Variants in MYOM3 observed in about 807,000 individuals in gnomAD.
The protein encoded by MYOM3 is myomesin 3, also known as myomesin-3.
A neutral mutation model predicts 191.7 loss-of-function variants in MYOM3; 155 were observed. That is an observed-to-expected ratio of 0.81 (90% CI 0.71 to 0.92). MYOM3 has a LOEUF of 0.92. MYOM3 is among the 40% of genes least tolerant of loss of function. The pLI, the probability that MYOM3 is intolerant of heterozygous loss-of-function variation, is 0.00. For missense variants in MYOM3, 1,889 were observed against 1,890.6 expected (o/e 1.00, Z 0.02); for synonymous variants, 757 against 762.9 (o/e 0.99, Z 0.13).
Position 24,063,980 on chromosome 1 carries a change from A to G in MYOM3, c.3622+92T>C. ...TTGTGCCTCAATTTCTCCAAGTGAC[A>G]TGGGGATCCCATAAATCTTACTGCA... On this transcript the variant is annotated intron_variant, in intron 30 of 36. Transcript: ENST00000374434. This position sits in a 1 kb window ranked among gnomAD's most constrained non-coding sequence, Gnocchi z 4.5. 1 of 952,410 alleles carries G rather than the reference A, an allele frequency of 1.0e-6. No homozygotes were observed. The highest frequency in any genetic ancestry group is 1.6e-6 in the Non-Finnish European group (1 of 613,254). The allele number at this position is 952,410 out of a possible 1,614,324, so 59.0% of individuals were successfully genotyped here.
chr1:24,096,337 G>A (rs1042548308), intron 7 of MYOM3, among the ~76,000 whole-genome samples: 2 of 152,216 alleles, frequency 1.3e-5, no homozygotes, highest in Non-Finnish European at 2.9e-5. Flanking sequence ...AGTGGAGTAG[G>A]AGAAGCAGAG....
At chr1:24,096,205 C>T (rs973712787) in intron 7 of MYOM3, among the ~76,000 whole-genome samples, 5 of 151,742 alleles carry the variant, frequency 3.3e-5, no homozygotes, top group Non-Finnish European at 5.9e-5. Flanking sequence ...GGAGGCTGCC[C>T]GAGATCACAC....
In MYOM3 at chr1:24,086,672, G is replaced by C; in HGVS notation, c.1770C>G (p.Ser590Arg). The C allele has an allele frequency of 6.2e-7, 1 of 1,614,038 alleles. No individual in the cohort carries two copies. Among genetic ancestry groups the C allele is most frequent in the Non-Finnish European group, 8.5e-7 (1 of 1,179,982 alleles). Reference protein sequence around the residue: ...QYGLSDPSEPSEPIALRGPPA... With the variant: ...QYGLSDPSEPREPIALRGPPA... ...GCGGGCCCCGCAAGGCGATGGGTTC[G>C]CTGGGCTCCGAGGGATCGCTCAGGC... The change falls in exon 15 of 37, where the codon AGC (serine) becomes AGG (arginine). Residue 590 changes from serine to arginine, a missense_variant. Coordinates refer to ENST00000374434, the MANE Select transcript of MYOM3 (RefSeq NM_152372.4).
intron 9 of MYOM3, among the ~76,000 whole-genome samples, chr1:24,094,464 G>T (rs1246134682): frequency 6.6e-6 from 1 of 152,004 alleles, no homozygotes; most frequent in East Asian, 1.9e-4. Flanking sequence ...ACCACGCCTG[G>T]CCTCCCTCCC....
rs1643755059 is a variant in MYOM3 at position 24,086,840 on chromosome 1, A to G, written c.1615-13T>C. 1.2e-6 allele frequency: 2 copies of G among 1,612,598 alleles called. No homozygotes were observed. The highest frequency in any genetic ancestry group is 1.3e-5 in the African/African-American group (1 of 74,884). On this transcript the variant is annotated splice_polypyrimidine_tract_variant and intron_variant, in intron 14 of 36. Coordinates refer to ENST00000374434, the MANE Select transcript of MYOM3 (RefSeq NM_152372.4). Reference sequence around the variant, plus strand: ...TACCTATGACTGACTGAAGAAACAGAGGGACTCACATTGGCTAACTGGTCG... The same window carrying G: ...TACCTATGACTGACTGAAGAAACAGGGGGACTCACATTGGCTAACTGGTCG...
chr1:24,106,440 A>G (rs963215806), intron 4 of MYOM3, among the ~76,000 whole-genome samples: 9 of 152,034 alleles, frequency 5.9e-5, no homozygotes, highest in African/African-American at 1.9e-4. Flanking sequence ...GAGTGGCTCA[A>G]ATCCTGATAC....
At chr1:24,076,029 G>A (rs1474595457) in intron 21 of MYOM3, 130 bp downstream of exon 21, 2 of 665,248 alleles carry the variant, frequency 3.0e-6, no homozygotes, top group Non-Finnish European at 5.3e-6. Flanking sequence ...TCCCTCAGGG[G>A]CTTGCTGGAG....
At chr1:24,108,176 G>T (rs1644000766) in intron 2 of MYOM3, 103 bp from the exon 3 acceptor site, 1 of 1,090,840 alleles carries the variant, frequency 9.2e-7, no homozygotes, top group Non-Finnish European at 1.3e-6. Context: ...GCACCAGCAG[G>T]CAGGGCTGTG....
intron 23 of MYOM3, among the ~76,000 whole-genome samples, chr1:24,073,523 G>T (rs182862540): frequency 8.5e-4 from 130 of 152,166 alleles, no homozygotes; most frequent in Admixed American, 1.2e-3. Flanking sequence ...GTTTTTTGGG[G>T]CTACAGAAGG....
chr1:24,094,387 G>A (rs1313012455), intron 9 of MYOM3, among the ~76,000 whole-genome samples: 1 of 151,970 alleles, frequency 6.6e-6, no homozygotes, highest in African/African-American at 2.4e-5. Context: ...GGCTAGACCT[G>A]AACTCTTGAC....
Position 24,092,143 on chromosome 1 carries a change from AG to A in MYOM3, c.1232+30del, listed in dbSNP as rs1232839545. 9 of 1,427,876 alleles carry A rather than the reference AG, an allele frequency of 6.3e-6. No individual in the cohort carries two copies. In the South Asian group the frequency reaches 1.4e-4, roughly 23 times the overall value. 88.5% of individuals were successfully genotyped at this position (1,427,876 alleles called of 1,614,324 possible). On this transcript the variant is annotated intron_variant, in intron 11 of 36. Coordinates refer to ENST00000374434, the MANE Select transcript of MYOM3 (RefSeq NM_152372.4). ...CACCACCAGACAGAATTCTACCCCT[AG>A]GGCCTCTGCCACTCACGAGGTCGAC...
At chr1:24,064,341 C>T (rs1320326508) in intron 29 of MYOM3, 182 bp from the exon 30 acceptor site, 1 of 560,364 alleles carries the variant, frequency 1.8e-6, no homozygotes, top group Non-Finnish European at 3.2e-6. Context: ...AGGCTCCTTT[C>T]AGCTCCAGAG....
intron 36 of MYOM3, among the ~76,000 whole-genome samples, 159 bp from the exon 37 acceptor site, chr1:24,057,786 A>T (rs913557789): frequency 6.6e-6 from 1 of 152,110 alleles, no homozygotes; most frequent in Non-Finnish European, 1.5e-5. Context: ...ATTTTATTTT[A>T]ACCCCACATC....
At chr1:24,060,099 G>A (rs1324344972) in intron 35 of MYOM3, among the ~76,000 whole-genome samples, 1 of 152,156 alleles carries the variant, frequency 6.6e-6, no homozygotes, top group Non-Finnish European at 1.5e-5. Context: ...GGTCCTGGAC[G>A]GGGCTTCTGT....
At position 24,067,354 on chromosome 1, in the gene MYOM3, T is replaced by TTCTTTC. The variant is rs1553155389; in HGVS notation, c.3356-272_3356-267dup. On this transcript the variant is annotated intron_variant, in intron 27 of 36. Coordinates refer to ENST00000374434, the MANE Select transcript of MYOM3 (RefSeq NM_152372.4). ...TTTCTTTCTTTCTTTCTTTCTTTCT[T>TTCTTTC]TCTTTCTTTCTTTCTTTCCTTCTTT... is the stretch of plus-strand genomic sequence containing the variant. Among the ~76,000 whole-genome samples the TTCTTTC allele has an allele frequency of 7.1e-4, 51 of 71,948 alleles. 2 individuals are homozygous for TTCTTTC. Among genetic ancestry groups the TTCTTTC allele is most frequent in the East Asian group, 4.8e-3 (10 of 2,066 alleles). 47.2% of individuals were successfully genotyped at this position (71,948 alleles called of 152,430 possible).
In MYOM3 at chr1:24,097,476, C is replaced by T. The variant is rs370966555; in HGVS notation, c.745+447G>A. The stretch of plus-strand genomic sequence containing the variant: ...CTGCCTGCAGAAAAGGGGCCCCTTT[C>T]GCTAATTCATCCATTCAGTTCACAC... On this transcript the variant is annotated intron_variant, in intron 7 of 36. Coordinates refer to ENST00000374434, the MANE Select transcript of MYOM3 (RefSeq NM_152372.4). 5.3e-4 allele frequency among the ~76,000 whole-genome samples: 80 copies of T among 152,326 alleles called. No homozygotes were observed. The East Asian group carries it at 8.3e-3, about 16-fold the overall frequency.
At chr1:24,082,840 C>T in intron 16 of MYOM3, 126 bp from the exon 17 acceptor site, 1 of 1,236,430 alleles carries the variant, frequency 8.1e-7, no homozygotes, top group South Asian at 1.8e-5. Context: ...CAGGTCAATT[C>T]TTCCTAAAAA....
chr1:24,065,713 A>G, intron 29 of MYOM3, 178 bp downstream of exon 29: 1 of 655,160 alleles, frequency 1.5e-6, no homozygotes, highest in Non-Finnish European at 2.8e-6. Flanking sequence ...AGAATATTGC[A>G]TACAATATTA....
At chr1:24,091,098 G>C in intron 11 of MYOM3, 102 bp from the exon 12 acceptor site, 1 of 1,289,618 alleles carries the variant, frequency 7.8e-7, no homozygotes. Context: ...AGCCTGCCCA[G>C]CTCATCTCTG....
Sources: gnomAD v4.1 joint callset for allele counts (sites outside exome capture counted in the v4.1 genomes callset) on GRCh38, gnomAD v4.1.1 for gene constraint, Gnocchi (gnomAD v3.1) non-coding constraint, MANE v1.5 for transcripts, NCBI Gene and HGNC (gene_info 2026-07-23, HGNC 2026-07-21) for gene names.